HADHA: variants seen among roughly 807,000 people sequenced by gnomAD.
The protein encoded by HADHA is trifunctional enzyme subunit alpha, mitochondrial.
In HADHA, 59 loss-of-function variants were observed where a neutral mutation model predicts 91.3. The ratio of observed to expected loss-of-function variants is 0.65; its 90% confidence interval spans 0.52 to 0.80. HADHA has a LOEUF of 0.80. Ranked by LOEUF, HADHA falls within the 30% of genes least tolerant of loss-of-function variation. The pLI, the probability that HADHA is intolerant of heterozygous loss-of-function variation, is 0.00. For synonymous variants in HADHA, 320 were observed against 338.9 expected, an observed-to-expected ratio of 0.94 and a Z score of 0.61; for missense variants, 800 against 927.6, an observed-to-expected ratio of 0.86 and a Z score of 1.79.
At chr2:26,192,199 T>C (rs1214240222) in intron 18 of HADHA, 111 bp downstream of exon 18, 1 of 683,556 alleles carries the variant, frequency 1.5e-6, no homozygotes, top group Admixed American at 2.3e-5. Context: ...CCTGCACATG[T>C]ATCCCAGGAC....
At chr2:26,236,398 G>GTC (rs1670760085) in intron 4 of HADHA, among the ~76,000 whole-genome samples, 7 of 111,622 alleles carry the variant, frequency 6.3e-5, no homozygotes, top group Non-Finnish European at 1.4e-4. Context: ...GTGTGTGTGT[G>GTC]TGTGTGTGTG....
intron 7 of HADHA, among the ~76,000 whole-genome samples, chr2:26,228,625 T>C (rs973980046): frequency 1.3e-5 from 2 of 152,170 alleles, no homozygotes; most frequent in South Asian, 2.1e-4. Context: ...CTCAAAAGCA[T>C]TATGCTAAGT....
Position 26,215,103 on chromosome 2 carries a change from C to T in HADHA, c.749G>A (p.Gly250Glu), listed in dbSNP as rs772220833. 5.0e-6 allele frequency: 8 copies of T among 1,608,496 alleles called. No homozygotes were observed. The South Asian group carries it at 8.8e-5, about 18-fold the overall frequency. ...LEEVAITFAK[G>E]LADKKISPKR... ...TGGAGAGATCTTCTTATCAGCTAGT[C>T]CTTTGGCAAAAGTAATTGCAACTTC... The change falls in exon 8 of 20, where the codon GGA (glycine) becomes GAA (glutamate). Residue 250 changes from glycine (G) to glutamate (E), a missense_variant. Transcript: ENST00000380649.
chr2:26,232,358 T>C, intron 5 of HADHA, 79 bp from the exon 6 acceptor site: 1 of 968,110 alleles, frequency 1.0e-6, no homozygotes, highest in Non-Finnish European at 1.7e-6. Context: ...GGTCTAAAGA[T>C]TATTTATAAA....
chr2:26,228,563 A>G (rs1282697061), intron 7 of HADHA, among the ~76,000 whole-genome samples: 1 of 152,256 alleles, frequency 6.6e-6, no homozygotes, highest in East Asian at 1.9e-4. Context: ...ACAATGGAGT[A>G]ACACTCAGCA....
chr2:26,228,959 T>C (rs1574622338), intron 7 of HADHA, among the ~76,000 whole-genome samples: 1 of 151,974 alleles, frequency 6.6e-6, no homozygotes, highest in Non-Finnish European at 1.5e-5. Context: ...TGATTACAGG[T>C]GTGAGCCACC....
intron 12 of HADHA, among the ~76,000 whole-genome samples, chr2:26,202,750 A>G (rs1669878785): frequency 6.6e-6 from 1 of 152,226 alleles, no homozygotes; most frequent in African/African-American, 2.4e-5. Flanking sequence ...AAAGAAACAA[A>G]AACATCAAAT....
Position 26,239,106 on chromosome 2 carries a change from C to A in HADHA, c.105G>T (p.Leu35Phe), listed in dbSNP as rs772322566. 2.5e-6 allele frequency: 4 copies of A among 1,606,748 alleles called. No homozygotes were observed. The South Asian group carries it at 3.3e-5, about 13-fold the overall frequency. The change falls in exon 2 of 20, where the codon TTG becomes TTT. Residue 35 changes from leucine to phenylalanine, a missense_variant. By Grantham distance (22) the Leu-to-Phe change is conservative. Transcript: ENST00000380649. ...TTAAAAAGAAATTAAACTTACTCAG[C>A]AAAGCAGAAGACCCTGTAAAATTGC... ...ICRNFTGSSA[L>F]LTRTHINYGV...
intron 1 of HADHA, among the ~76,000 whole-genome samples, chr2:26,240,966 C>G (rs1274489798): frequency 6.6e-6 from 1 of 152,180 alleles, no homozygotes; most frequent in Non-Finnish European, 1.5e-5. Flanking sequence ...GAAAATAATT[C>G]CAAACCAGAG....
rs367636661 is a variant in HADHA at position 26,232,292 on chromosome 2, G to A, written c.454-13C>T. On this transcript the variant is annotated splice_polypyrimidine_tract_variant and intron_variant, in intron 5 of 19. Coordinates refer to ENST00000380649, the MANE Select transcript of HADHA (RefSeq NM_000182.5). ...ATGAAATGGCAACCTTTGAACAAAT[G>A]AAAGAAAATTAGAATGTTAGAAAAT... 2 of 1,583,178 alleles carry A rather than the reference G, an allele frequency of 1.3e-6. No homozygotes were observed. Among genetic ancestry groups the A allele is most frequent in the Non-Finnish European group, 1.7e-6 (2 of 1,152,066 alleles).
chr2:26,200,664 A>G (rs772982929), intron 13 of HADHA, among the ~76,000 whole-genome samples: 4 of 152,172 alleles, frequency 2.6e-5, no homozygotes, highest in Non-Finnish European at 4.4e-5. Context: ...TTTAGAATTT[A>G]GATTTGACCT....
chr2:26,196,661 T>A (rs1267681260), intron 14 of HADHA, among the ~76,000 whole-genome samples: 1 of 152,108 alleles, frequency 6.6e-6, no homozygotes, highest in Non-Finnish European at 1.5e-5. Context: ...TACTTTTAAA[T>A]GAATGACAAA....
chr2:26,233,464 T>G (rs1670674757), intron 5 of HADHA, among the ~76,000 whole-genome samples: 1 of 152,204 alleles, frequency 6.6e-6, no homozygotes, highest in Admixed American at 6.5e-5. Context: ...CAATGAATGT[T>G]TCCTTTTCCC....
chr2:26,231,066 G>C (rs886797057), intron 6 of HADHA, among the ~76,000 whole-genome samples: 3 of 151,392 alleles, frequency 2.0e-5, no homozygotes, highest in Non-Finnish European at 4.4e-5. Flanking sequence ...CTAGAAGAAA[G>C]GCTTCTAGCA....
Position 26,214,559 on chromosome 2 carries a change from A to G in HADHA, c.802T>C (p.Leu268=). The G allele has an allele frequency of 2.7e-6, 4 of 1,492,648 alleles. No individual in the cohort carries two copies. Among genetic ancestry groups the G allele is most frequent in the Non-Finnish European group, 3.7e-6 (4 of 1,069,298 alleles). The allele number at this position is 1,492,648 out of a possible 1,614,324, so 92.5% of individuals were successfully genotyped here. A position where few individuals can be genotyped will look rare whatever the true frequency, so the allele number is the denominator to read the frequency against. The change falls in exon 9 of 20, where the codon TTG becomes CTG. Residue 268 remains leucine, a splice_region_variant and synonymous_variant. Coordinates refer to ENST00000380649, the MANE Select transcript of HADHA (RefSeq NM_000182.5). The surrounding 1 kb of genome is among the most constrained non-coding windows in gnomAD (Gnocchi z 4.1). ...GGAATAGTCATGGCATACGCTGTCAATTCTGTAAAATAAAATGCTTTTAGA... is the reference window on the plus strand; with the variant it reads ...GGAATAGTCATGGCATACGCTGTCAGTTCTGTAAAATAAAATGCTTTTAGA... The part of the protein sequence containing the change: ...PKRDKGLVEK[L]TAYAMTIPFV...
intron 18 of HADHA, 135 bp from the exon 19 acceptor site, chr2:26,191,763 A>C (rs1553311734): frequency 1.1e-6 from 1 of 884,768 alleles, no homozygotes; most frequent in South Asian, 1.3e-5. Flanking sequence ...CTCAGAGAAG[A>C]TGCTGCCTGG....
intron 17 of HADHA, among the ~76,000 whole-genome samples, chr2:26,193,037 A>G (rs1406434319): frequency 1.3e-5 from 2 of 152,098 alleles, no homozygotes; most frequent in African/African-American, 4.8e-5. Context: ...CAAGACAGAA[A>G]GTCACTTCTC....
intron 14 of HADHA, 29 bp from the exon 15 acceptor site, chr2:26,195,261 T>A (rs1352835310): frequency 6.2e-7 from 1 of 1,602,206 alleles, no homozygotes; most frequent in Non-Finnish European, 8.6e-7. Flanking sequence ...AGCCAACAGA[T>A]CGGAGAATGC....
In HADHA at chr2:26,198,971, C is replaced by T. The variant is rs997768509; in HGVS notation, c.1393-1194G>A. ...GTGCAGTGGTGCAATCTCAGCTCAC[C>T]GCAAGCTTTGCCGCCTGGGTTCAAG... On this transcript the variant is annotated intron_variant, in intron 13 of 19. Coordinates refer to ENST00000380649, the MANE Select transcript of HADHA (RefSeq NM_000182.5). Among the ~76,000 whole-genome samples, 6 of 151,916 alleles carry T rather than the reference C, an allele frequency of 3.9e-5. 1 individual carries two copies. Among genetic ancestry groups the T allele is most frequent in the African/African-American group, 1.5e-4 (6 of 41,354 alleles).
Sources: gnomAD v4.1 joint callset for allele counts (sites outside exome capture counted in the v4.1 genomes callset) on GRCh38, gnomAD v4.1.1 for gene constraint, Gnocchi (gnomAD v3.1) non-coding constraint, MANE v1.5 for transcripts, NCBI Gene and HGNC (gene_info 2026-07-23, HGNC 2026-07-21) for gene names.